The following MACROD2 variants were observed in gnomAD, a reference collection of about 807,000 sequenced individuals.
The protein encoded by MACROD2 is ADP-ribose glycohydrolase MACROD2.
In MACROD2, 36 loss-of-function variants were observed where a neutral mutation model predicts 70.4. The observed-to-expected ratio is 0.51, with a 90% CI of 0.39 to 0.68. MACROD2 has a LOEUF of 0.68. Ranked by LOEUF, MACROD2 falls within the 30% of genes least tolerant of loss-of-function variation. MACROD2 has a pLI of 0.00. For synonymous variants in MACROD2, 172 were observed against 178.8 expected (o/e 0.96, Z 0.30); for missense variants, 496 against 538.4 (o/e 0.92, Z 0.78).
intron 5 of MACROD2, among the ~76,000 whole-genome samples, chr20:15,146,253 T>A (rs1177805280): frequency 6.6e-6 from 1 of 152,184 alleles, no homozygotes; most frequent in Non-Finnish European, 1.5e-5. Flanking sequence ...GCTTTAGTGA[T>A]ACGGAATATA....
chr20:15,797,320 T>A (rs961553873), intron 8 of MACROD2, among the ~76,000 whole-genome samples: 1 of 152,182 alleles, frequency 6.6e-6, no homozygotes, highest in Non-Finnish European at 1.5e-5. Context: ...TTTCACCGAG[T>A]TAGCCAGGAT....
At chr20:14,360,148 G>A (rs2083208083) in intron 3 of MACROD2, among the ~76,000 whole-genome samples, 1 of 152,034 alleles carries the variant, frequency 6.6e-6, no homozygotes, top group South Asian at 2.1e-4. Flanking sequence ...TTGGTTCAAG[G>A]GGTCCAAAAT....
intron 3 of MACROD2, among the ~76,000 whole-genome samples, chr20:14,105,582 G>A (rs901382602): frequency 6.6e-6 from 1 of 152,194 alleles, no homozygotes; most frequent in Non-Finnish European, 1.5e-5. Flanking sequence ...AGCTCACAAC[G>A]ACTGCAGTTC....
chr20:14,442,789 C>G (rs1183355874), intron 3 of MACROD2, among the ~76,000 whole-genome samples: 1 of 152,018 alleles, frequency 6.6e-6, no homozygotes, highest in African/African-American at 2.4e-5. Flanking sequence ...GAAATGAGAA[C>G]TACAGGGCCG....
intron 4 of MACROD2, among the ~76,000 whole-genome samples, chr20:14,634,465 A>G (rs1465420904): frequency 1.3e-5 from 2 of 152,130 alleles, no homozygotes; most frequent in Admixed American, 6.5e-5. Context: ...CTTTGATCAC[A>G]TATTATTCAT....
rs558182008 is a variant in MACROD2 at position 15,903,538 on chromosome 20, G to C, written c.775+17727G>C. 2.5e-3 allele frequency among the ~76,000 whole-genome samples: 375 copies of C among 152,278 alleles called. 6 individuals carry two copies. The highest frequency in any genetic ancestry group is 8.7e-3 in the African/African-American group (362 of 41,560). ...ATCACCAGAGGGTGTGTCAAACCCA[G>C]ATTTCAGGGTCTCACCCCCAAAGTC... On this transcript the variant is annotated intron_variant, in intron 10 of 17. Coordinates refer to ENST00000684519, the MANE Select transcript of MACROD2 (RefSeq NM_001351661.2).
intron 8 of MACROD2, among the ~76,000 whole-genome samples, chr20:15,823,365 C>T (rs1303440343): frequency 6.7e-6 from 1 of 150,040 alleles, no homozygotes. Context: ...CAAAATAAGA[C>T]CAATATCTGC....
chr20:14,167,569 T>C (rs78098723), intron 3 of MACROD2, among the ~76,000 whole-genome samples: 3 of 151,750 alleles, frequency 2.0e-5, no homozygotes, highest in East Asian at 1.9e-4. Context: ...CTTTTTTTTT[T>C]AGTAGAGACA....
intron 6 of MACROD2, among the ~76,000 whole-genome samples, chr20:15,358,940 GA>G (rs1392164338): frequency 6.6e-6 from 1 of 152,076 alleles, no homozygotes; most frequent in Non-Finnish European, 1.5e-5. Context: ...TTCAAGATAT[GA>G]ATTTTGGGGT....
At chr20:15,587,423 T>G (rs551870771) in intron 8 of MACROD2, among the ~76,000 whole-genome samples, 3 of 152,158 alleles carry the variant, frequency 2.0e-5, no homozygotes, top group Non-Finnish European at 2.9e-5. Flanking sequence ...AAATCTCATG[T>G]CCTCACGTTT....
chr20:15,057,589 CACTA>C (rs1279821309), intron 5 of MACROD2, among the ~76,000 whole-genome samples: 2 of 152,206 alleles, frequency 1.3e-5, no homozygotes, highest in Admixed American at 6.5e-5. Flanking sequence ...GCAACCATGA[CACTA>C]ACCGTATTGC....
intron 3 of MACROD2, among the ~76,000 whole-genome samples, chr20:14,217,540 T>C (rs888868066): frequency 1.3e-5 from 2 of 151,948 alleles, no homozygotes; most frequent in African/African-American, 4.8e-5. Context: ...ATTAGGGAGG[T>C]TTCCTTCTTT....
At chr20:14,983,460 T>A (rs528468902) in intron 5 of MACROD2, among the ~76,000 whole-genome samples, 1 of 152,094 alleles carries the variant, frequency 6.6e-6, no homozygotes, top group East Asian at 1.9e-4. Context: ...ATCTTAAATT[T>A]CCATATGTTG....
At chr20:14,580,415 G>A (rs1012318533) in intron 4 of MACROD2, among the ~76,000 whole-genome samples, 2 of 148,272 alleles carry the variant, frequency 1.3e-5, no homozygotes, top group Admixed American at 1.4e-4. Context: ...TGAATAAATA[G>A]AATTTGATTC....
At chr20:14,144,836 G>T (rs1353921994) in intron 3 of MACROD2, among the ~76,000 whole-genome samples, 3 of 152,114 alleles carry the variant, frequency 2.0e-5, no homozygotes, top group South Asian at 2.1e-4. Flanking sequence ...AATTATGGGG[G>T]TGTTGCCCAT....
At chr20:14,681,111 A>T (rs2070926768) in intron 4 of MACROD2, among the ~76,000 whole-genome samples, 1 of 152,174 alleles carries the variant, frequency 6.6e-6, no homozygotes. Flanking sequence ...AATTACCAAC[A>T]TTAAAAAGGC....
At position 14,319,473 on chromosome 20, in the gene MACROD2, TG is replaced by T. The variant is rs904156109; in HGVS notation, c.272-174005del. Among the ~76,000 whole-genome samples, 27 of 152,186 alleles carry T rather than the reference TG, an allele frequency of 1.8e-4. 1 individual carries two copies. The highest frequency in any genetic ancestry group is 1.5e-5 in the Non-Finnish European group (1 of 68,026). ...GTGTTCACTTCCTTTTTTTCTATCT[TG>T]TTCCTCCCCATGACCCAACAAGACC... On this transcript the variant is annotated intron_variant, in intron 3 of 17. Coordinates refer to ENST00000684519, the MANE Select transcript of MACROD2 (RefSeq NM_001351661.2).
At chr20:15,999,256 G>A (rs2066676484) in intron 15 of MACROD2, among the ~76,000 whole-genome samples, 1 of 151,918 alleles carries the variant, frequency 6.6e-6, no homozygotes, top group African/African-American at 2.4e-5. Context: ...GGTTGTTCAG[G>A]ACTGTGTTAT....
intron 5 of MACROD2, among the ~76,000 whole-genome samples, chr20:15,168,441 A>ATGTGTG (rs56188346): frequency 0.052 from 6,999 of 134,628 alleles, 222 homozygotes; most frequent in African/African-American, 0.089. Flanking sequence ...ACATTGTGGG[A>ATGTGTG]TGTGTGTGTG....
Sources: allele counts gnomAD v4.1 joint callset (sites outside exome capture counted in the v4.1 genomes callset), GRCh38; gene constraint gnomAD v4.1.1; transcripts MANE v1.5; gene names NCBI Gene and HGNC (gene_info 2026-07-23, HGNC 2026-07-21).